Variants in EPS8 observed in about 807,000 individuals in gnomAD.
EPS8 encodes the protein epidermal growth factor receptor kinase substrate 8.
In EPS8, 42 loss-of-function variants were observed where a neutral mutation model predicts 103.8. The observed-to-expected ratio is 0.40, with a 90% CI of 0.32 to 0.52. The LOEUF (loss-of-function observed/expected upper bound fraction) is 0.52. EPS8 is among the 20% of genes least tolerant of loss of function. EPS8 has a pLI of 0.40. For synonymous variants in EPS8, 344 were observed against 344.6 expected (o/e 1.00, Z 0.02); for missense variants, 969 against 1,005.1 (o/e 0.96, Z 0.49).
Position 15,682,920 on chromosome 12 carries a change from C to G in EPS8, c.32G>C (p.Ser11Thr). The G allele has an allele frequency of 6.3e-7, 1 of 1,585,278 alleles. No individual in the cohort carries two copies. Among genetic ancestry groups the G allele is most frequent in the Non-Finnish European group, 8.6e-7 (1 of 1,162,432 alleles). Residue 11 changes from serine (S) to threonine (T), a missense_variant, in exon 2 of 21, where the codon AGT (serine) becomes ACT (threonine). Transcript: ENST00000281172. ...CATCTGAGATGGGTACATTCCAAAACTACTGGGATGATTAGAAATATGACC... is the reference window on the plus strand; with the variant it reads ...CATCTGAGATGGGTACATTCCAAAAGTACTGGGATGATTAGAAATATGACC... MNGHISNHPS[S>T]FGMYPSQMNG...
In EPS8 at chr12:15,750,829, C is replaced by G. The variant is rs148978787; in HGVS notation, c.-22+38332G>C. On this transcript the variant is annotated intron_variant, in intron 1 of 20. Coordinates refer to ENST00000281172, the MANE Select transcript of EPS8 (RefSeq NM_004447.6). ...AGACCATGTTTTAGAAACATATCTA[C>G]CAATTAAGATTCTGGATTTATATTA... is the stretch of plus-strand genomic sequence containing the variant. Among the ~76,000 whole-genome samples the G allele has an allele frequency of 2.1e-4, 32 of 152,250 alleles. 1 individual carries two copies. In the East Asian group the frequency reaches 5.6e-3, roughly 27 times the overall value.
chr12:15,629,807 T>G (rs1161564500), intron 18 of EPS8, among the ~76,000 whole-genome samples: 1 of 152,146 alleles, frequency 6.6e-6, no homozygotes, highest in East Asian at 1.9e-4. Context: ...TAGTAATAGT[T>G]TTAGTGTCTT....
At chr12:15,630,529 T>G (rs1428371702) in intron 18 of EPS8, among the ~76,000 whole-genome samples, 1 of 152,194 alleles carries the variant, frequency 6.6e-6, no homozygotes, top group African/African-American at 2.4e-5. Context: ...ATGGTTTTCA[T>G]AGAAACCATT....
rs542698646 is a variant in EPS8 at position 15,724,185 on chromosome 12, T to C, written c.-21-41213A>G. Among the ~76,000 whole-genome samples the C allele has an allele frequency of 1.8e-4, 28 of 152,292 alleles. No individual in the cohort carries two copies. The South Asian group carries it at 3.7e-3, about 20-fold the overall frequency. On this transcript the variant is annotated intron_variant, in intron 1 of 20. Transcript: ENST00000281172. Reference sequence around the variant, plus strand: ...TAAACTGTGTACTTTATGTATAAGGTATATGTAAAATATCACCAAAAAGTC... The same window carrying C: ...TAAACTGTGTACTTTATGTATAAGGCATATGTAAAATATCACCAAAAAGTC...
In EPS8 at chr12:15,780,405, A is replaced by G. The variant is rs1406544576; in HGVS notation, c.-22+8756T>C. On this transcript the variant is annotated intron_variant, in intron 1 of 20. Coordinates refer to ENST00000281172, the MANE Select transcript of EPS8 (RefSeq NM_004447.6). This position sits in a 1 kb window ranked among gnomAD's most constrained non-coding sequence, Gnocchi z 4.1. ...AAAATTCATTCTATGAGACTCAAAC[A>G]TCACCTTCCCCAGTAAAGACTTTTC... Among the ~76,000 whole-genome samples, 2 of 151,002 alleles carry G rather than the reference A, an allele frequency of 1.3e-5. No individual in the cohort carries two copies. Among genetic ancestry groups the G allele is most frequent in the Non-Finnish European group, 2.9e-5 (2 of 67,846 alleles).
At chr12:15,631,741 G>C in intron 17 of EPS8, 77 bp from the exon 18 acceptor site, 1 of 1,122,542 alleles carries the variant, frequency 8.9e-7, no homozygotes, top group Non-Finnish European at 1.3e-6. Context: ...TACTTTGATA[G>C]GACATTGTTG....
At position 15,785,728 on chromosome 12, in the gene EPS8, T is replaced by C. The variant is rs1947304348; in HGVS notation, c.-22+3433A>G. On this transcript the variant is annotated intron_variant, in intron 1 of 20. Transcript: ENST00000281172. The surrounding 1 kb of genome is among the most constrained non-coding windows in gnomAD (Gnocchi z 4.9). ...GATTCCTTGGAGAAATGACTGATTC[T>C]AGGACTGTGGCAAGATGTATACAGA... 2.0e-5 allele frequency among the ~76,000 whole-genome samples: 3 copies of C among 151,980 alleles called. No homozygotes were observed. The highest frequency in any genetic ancestry group is 2.1e-4 in the South Asian group (1 of 4,818).
rs563498588 is a variant in EPS8, at chr12:15,643,504, C to G, written c.1569-1674G>C. Among the ~76,000 whole-genome samples, 3 of 152,170 alleles carry G rather than the reference C, an allele frequency of 2.0e-5. No homozygotes were observed. The South Asian group carries it at 6.2e-4, about 32-fold the overall frequency. On this transcript the variant is annotated intron_variant, in intron 15 of 20. Coordinates refer to ENST00000281172, the MANE Select transcript of EPS8 (RefSeq NM_004447.6). Reference sequence around the variant, plus strand: ...CCCGTAATCCTAGCACTTTGGGAGGCCGAGGAGGGCGGATCACCTGAGGTC... The same window carrying G: ...CCCGTAATCCTAGCACTTTGGGAGGGCGAGGAGGGCGGATCACCTGAGGTC...
chr12:15,723,294 G>C (rs1399217990), intron 1 of EPS8, among the ~76,000 whole-genome samples: 2 of 152,148 alleles, frequency 1.3e-5, no homozygotes, highest in Non-Finnish European at 2.9e-5. Context: ...CTGAGCAACA[G>C]AGTGAGACCC....
rs1377826189 is a variant in EPS8 at position 15,696,354 on chromosome 12, G to A, written c.-21-13382C>T. 6.6e-6 allele frequency among the ~76,000 whole-genome samples: 1 copy of A among 152,010 alleles called. No individual in the cohort carries two copies. Among genetic ancestry groups the A allele is most frequent in the Non-Finnish European group, 1.5e-5 (1 of 67,986 alleles). On this transcript the variant is annotated intron_variant, in intron 1 of 20. Coordinates refer to ENST00000281172, the MANE Select transcript of EPS8 (RefSeq NM_004447.6). This position sits in a 1 kb window ranked among gnomAD's most constrained non-coding sequence, Gnocchi z 4.8. ...AGAGACTTTCCAAGTTTAAGAACAT[G>A]GACTTGGCCGGGTGCAGTGGCTCAC...
intron 1 of EPS8, among the ~76,000 whole-genome samples, chr12:15,691,073 T>C (rs1946164803): frequency 6.6e-6 from 1 of 151,902 alleles, no homozygotes; most frequent in African/African-American, 2.4e-5. Flanking sequence ...TAGGACAAAC[T>C]TTCCTTGAAG....
At chr12:15,726,832 T>C (rs1946659030) in intron 1 of EPS8, among the ~76,000 whole-genome samples, 1 of 152,182 alleles carries the variant, frequency 6.6e-6, no homozygotes, top group South Asian at 2.1e-4. Context: ...TGAAATCATA[T>C]AGTCATCCTT....
At chr12:15,741,287 G>T (rs773972727) in intron 1 of EPS8, among the ~76,000 whole-genome samples, 2 of 152,158 alleles carry the variant, frequency 1.3e-5, no homozygotes, top group African/African-American at 2.4e-5. Flanking sequence ...CCTGCCTCCA[G>T]CCACCCCCCT....
At position 15,762,065 on chromosome 12, in the gene EPS8, T is replaced by G. The variant is rs772711144; in HGVS notation, c.-22+27096A>C. ...AAGAGATTAATAATCAGAATATATA[T>G]AGAGCTCAAACAACTCTACAAGAAA... On this transcript the variant is annotated intron_variant, in intron 1 of 20. Coordinates refer to ENST00000281172, the MANE Select transcript of EPS8 (RefSeq NM_004447.6). This position sits in a 1 kb window ranked among gnomAD's most constrained non-coding sequence, Gnocchi z 4.8. Among the ~76,000 whole-genome samples, 31 of 152,092 alleles carry G rather than the reference T, an allele frequency of 2.0e-4. No homozygotes were observed. The highest frequency in any genetic ancestry group is 2.5e-4 in the Non-Finnish European group (17 of 67,996).
At chr12:15,715,050 A>T (rs1486171399) in intron 1 of EPS8, among the ~76,000 whole-genome samples, 1 of 152,192 alleles carries the variant, frequency 6.6e-6, no homozygotes, top group Non-Finnish European at 1.5e-5. Context: ...TCCTTTCAGG[A>T]CTGAAGGACT....
At position 15,738,245 on chromosome 12, in the gene EPS8, T is replaced by A. The variant is rs967599523; in HGVS notation, c.-22+50916A>T. Among the ~76,000 whole-genome samples the A allele has an allele frequency of 6.6e-6, 1 of 152,148 alleles. No homozygotes were observed. The highest frequency in any genetic ancestry group is 2.1e-4 in the South Asian group (1 of 4,828). On this transcript the variant is annotated intron_variant, in intron 1 of 20. Transcript: ENST00000281172. The surrounding 1 kb of genome is among the most constrained non-coding windows in gnomAD (Gnocchi z 6.2). ...AACTGCCAGCTATATTTCCCATAGA[T>A]GTAAATGATCATTTAGAAACACACC...
At position 15,682,923 on chromosome 12, in the gene EPS8, C is replaced by G; in HGVS notation, c.29G>C (p.Ser10Thr). The change falls in exon 2 of 21, where the codon AGT becomes ACT. Residue 10 changes from serine to threonine, a missense_variant. Coordinates refer to ENST00000281172, the MANE Select transcript of EPS8 (RefSeq NM_004447.6). MNGHISNHP[S>T]SFGMYPSQMN... ...CTGAGATGGGTACATTCCAAAACTA[C>G]TGGGATGATTAGAAATATGACCATT... 1 of 1,585,530 alleles carries G rather than the reference C, an allele frequency of 6.3e-7. No homozygotes were observed. The highest frequency in any genetic ancestry group is 8.6e-7 in the Non-Finnish European group (1 of 1,163,124).
In EPS8 at chr12:15,658,591, G is replaced by C; in HGVS notation, c.938-6C>G. On this transcript the variant is annotated splice_region_variant and splice_polypyrimidine_tract_variant and intron_variant, in intron 10 of 20. Transcript: ENST00000281172. Reference sequence around the variant, plus strand: ...CCGCAGCGTTAAAACACCCTCTAATGAAATAAGCGAGAGGAGAGGATCAGA... The same window carrying C: ...CCGCAGCGTTAAAACACCCTCTAATCAAATAAGCGAGAGGAGAGGATCAGA... 1.3e-6 allele frequency: 2 copies of C among 1,596,208 alleles called. No individual in the cohort carries two copies. Among genetic ancestry groups the C allele is most frequent in the Non-Finnish European group, 1.7e-6 (2 of 1,164,278 alleles).
intron 17 of EPS8, among the ~76,000 whole-genome samples, chr12:15,633,281 T>C (rs929829913): frequency 4.6e-5 from 7 of 152,214 alleles, no homozygotes; most frequent in Non-Finnish European, 8.8e-5. Context: ...CACCAGAATG[T>C]AATACTTAGC....
Sources: allele counts gnomAD v4.1 joint callset (sites outside exome capture counted in the v4.1 genomes callset), GRCh38; gene constraint gnomAD v4.1.1; non-coding constraint Gnocchi (gnomAD v3.1); transcripts MANE v1.5; gene names NCBI Gene and HGNC (gene_info 2026-07-23, HGNC 2026-07-21).